The following ATXN7L1 variants were observed in gnomAD, a reference collection of about 807,000 sequenced individuals.
The protein encoded by ATXN7L1 is ataxin-7-like protein 1.
A neutral mutation model predicts 70.8 loss-of-function variants in ATXN7L1; 15 were observed. The ratio of observed to expected loss-of-function variants is 0.21; its 90% CI spans 0.14 to 0.33. The LOEUF (loss-of-function observed/expected upper bound fraction) is 0.33, where lower values mean the gene tolerates loss of function less well. Ranked by LOEUF, ATXN7L1 falls within the 10% of genes least tolerant of loss-of-function variation. The pLI is 1.00. For synonymous variants in ATXN7L1, 440 were observed against 445.1 expected (o/e 0.99, Z 0.14); for missense variants, 975 against 1,097.1 (o/e 0.89, Z 1.57).
chr7:105,865,384 C>T (rs1367658312), intron 2 of ATXN7L1, among the ~76,000 whole-genome samples: 2 of 151,760 alleles, frequency 1.3e-5, no homozygotes, highest in Non-Finnish European at 2.9e-5. Flanking sequence ...ATACACATAA[C>T]ATAAAATTTA....
intron 3 of ATXN7L1, chr7:105,761,464 C>G (rs1223376857): frequency 6.2e-7 from 1 of 1,614,062 alleles, no homozygotes; most frequent in Admixed American, 1.7e-5. Context: ...TGCTTTCTCC[C>G]TTTGGAAAGT....
intron 3 of ATXN7L1, among the ~76,000 whole-genome samples, chr7:105,700,845 C>T (rs1220329008): frequency 6.6e-6 from 1 of 152,100 alleles, no homozygotes; most frequent in Non-Finnish European, 1.5e-5. Context: ...CCGCGCCTGC[C>T]TAATTTTTGC....
chr7:105,805,414 G>C (rs1197207166), intron 2 of ATXN7L1, among the ~76,000 whole-genome samples: 2 of 152,194 alleles, frequency 1.3e-5, no homozygotes, highest in African/African-American at 4.8e-5. Context: ...GGGGAACCTG[G>C]GGTGACTCAG....
intron 3 of ATXN7L1, among the ~76,000 whole-genome samples, chr7:105,774,353 CTTT>C (rs34037396): frequency 7.4e-6 from 1 of 135,384 alleles, no homozygotes. Flanking sequence ...GCCAGCAACC[CTTT>C]TTTTTTTTTT....
At chr7:105,609,896 C>T (rs202189687) in intron 11 of ATXN7L1, among the ~76,000 whole-genome samples, 2 of 151,858 alleles carry the variant, frequency 1.3e-5, no homozygotes, top group African/African-American at 2.4e-5. Context: ...CTCAGCCTCC[C>T]GAGTAGCTGG....
At chr7:105,675,645 A>G (rs1804529069) in intron 3 of ATXN7L1, among the ~76,000 whole-genome samples, 1 of 152,052 alleles carries the variant, frequency 6.6e-6, no homozygotes, top group African/African-American at 2.4e-5. Context: ...AAAAAAAAGC[A>G]CTTGATAAAT....
chr7:105,691,938 GAAC>G (rs1257625996), intron 3 of ATXN7L1, among the ~76,000 whole-genome samples: 1 of 152,226 alleles, frequency 6.6e-6, no homozygotes, highest in East Asian at 1.9e-4. Context: ...CCAGTGCCAA[GAAC>G]AACAAGCACA....
At chr7:105,731,778 G>GAAAAGAAAAGAAAAGAAAAGAAAAGAA (rs1796591069) in intron 3 of ATXN7L1, among the ~76,000 whole-genome samples, 1 of 146,744 alleles carries the variant, frequency 6.8e-6, no homozygotes, top group Non-Finnish European at 1.5e-5. Context: ...GAAAAGAAAA[G>GAAAAGAAAAGAAAAGAAAAGAAAAGAA]AAAAGAAAAG....
chr7:105,711,634 C>T (rs11535283), intron 3 of ATXN7L1, among the ~76,000 whole-genome samples: 1 of 152,104 alleles, frequency 6.6e-6, no homozygotes, highest in Non-Finnish European at 1.5e-5. Context: ...CCAGGCAACA[C>T]TGACATAAGC....
intron 3 of ATXN7L1, among the ~76,000 whole-genome samples, chr7:105,703,211 G>A (rs1236218555): frequency 2.0e-5 from 3 of 152,024 alleles, no homozygotes; most frequent in Non-Finnish European, 4.4e-5. Flanking sequence ...GGCTGCAGAA[G>A]GGAGAATCGC....
intron 4 of ATXN7L1, among the ~76,000 whole-genome samples, chr7:105,659,876 TTC>T (rs891895597): frequency 4.6e-5 from 7 of 152,000 alleles, no homozygotes; most frequent in African/African-American, 1.7e-4. Flanking sequence ...CACATTTCTT[TTC>T]TCTTTCTTTT....
At chr7:105,728,338 T>C (rs558124466) in intron 3 of ATXN7L1, among the ~76,000 whole-genome samples, 1 of 152,292 alleles carries the variant, frequency 6.6e-6, no homozygotes, top group South Asian at 2.1e-4. Context: ...CATACTGTTA[T>C]TCATGCATAT....
At chr7:105,665,527 G>T (rs1420781219) in intron 3 of ATXN7L1, among the ~76,000 whole-genome samples, 3 of 152,164 alleles carry the variant, frequency 2.0e-5, no homozygotes, top group Admixed American at 6.5e-5. Flanking sequence ...TAACATCAGG[G>T]TTCTCATGGG....
intron 3 of ATXN7L1, among the ~76,000 whole-genome samples, chr7:105,702,559 C>G (rs535183636): frequency 2.7e-5 from 4 of 150,680 alleles, no homozygotes; most frequent in Non-Finnish European, 5.9e-5. Context: ...CACACACACA[C>G]ACACAGACAC....
In ATXN7L1 at chr7:105,665,254, G is replaced by A. The variant is rs993502444; in HGVS notation, c.390C>T (p.Pro130=). The change falls in exon 4 of 12, where the codon CCC becomes CCT. Residue 130 remains proline, a synonymous_variant. Coordinates refer to ENST00000419735, the MANE Select transcript of ATXN7L1 (RefSeq NM_020725.2). ...RRHGSMCRPS[P]SPVSPASNPR... The stretch of plus-strand genomic sequence containing the variant: ...GATTGGAGGCTGGAGACACTGGAGA[G>A]GGAGAAGGTCTACACATTGAACCGT... 2.6e-6 allele frequency: 4 copies of A among 1,551,592 alleles called. No homozygotes were observed. In the African/African-American group the frequency reaches 5.5e-5, roughly 21 times the overall value.
chr7:105,645,844 CAA>C (rs1798929073), intron 4 of ATXN7L1, among the ~76,000 whole-genome samples: 1 of 149,370 alleles, frequency 6.7e-6, no homozygotes, highest in African/African-American at 2.5e-5. Context: ...AACAAACAAA[CAA>C]ACAAACAGAA....
intron 2 of ATXN7L1, among the ~76,000 whole-genome samples, chr7:105,866,474 TAGACGACTAGGGC>T (rs1394852124): frequency 1.1e-4 from 17 of 152,222 alleles, no homozygotes; most frequent in Non-Finnish European, 1.9e-4. Flanking sequence ...GCTTCACTTA[TAGACGACTAGGGC>T]AGCCAGGTCT....
intron 2 of ATXN7L1, among the ~76,000 whole-genome samples, chr7:105,803,115 C>T (rs1220952686): frequency 2.0e-5 from 3 of 152,264 alleles, no homozygotes; most frequent in Non-Finnish European, 4.4e-5. Context: ...ATCCGTCAGC[C>T]AGCCAACTTC....
chr7:105,697,100 C>G (rs1050868821), intron 3 of ATXN7L1, among the ~76,000 whole-genome samples: 17 of 152,102 alleles, frequency 1.1e-4, no homozygotes. Flanking sequence ...ATCACAGGAC[C>G]ACAGGACCGA....
Sources: gnomAD v4.1 joint callset for allele counts (sites outside exome capture counted in the v4.1 genomes callset) on GRCh38, gnomAD v4.1.1 for gene constraint, MANE v1.5 for transcripts, NCBI Gene and HGNC (gene_info 2026-07-23, HGNC 2026-07-21) for gene names.